The following FHIT variants were observed in gnomAD, a reference collection of about 807,000 sequenced individuals.
FHIT encodes the protein bis(5'-adenosyl)-triphosphatase.
Under a neutral mutation model 17.9 loss-of-function variants are expected in FHIT, and 19 were observed. That is an observed-to-expected ratio of 1.06 (90% CI 0.74 to 1.56). The LOEUF (loss-of-function observed/expected upper bound fraction) is 1.56, where lower values mean the gene tolerates loss of function less well. FHIT is among the 40% of genes most tolerant of loss of function. The pLI, the probability that FHIT is intolerant of heterozygous loss-of-function variation, is 0.00. For synonymous variants in FHIT, 81 were observed against 69.7 expected (o/e 1.16, Z -0.81); for missense variants, 248 against 189.2 (o/e 1.31, Z -1.82).
intron 4 of FHIT, among the ~76,000 whole-genome samples, chr3:60,696,855 G>A (rs1270861556): frequency 6.6e-6 from 1 of 152,184 alleles, no homozygotes; most frequent in Non-Finnish European, 1.5e-5. Context: ...GAAATCCAGT[G>A]AAAGTATCAC....
intron 2 of FHIT, among the ~76,000 whole-genome samples, chr3:61,064,676 T>G (rs2034540893): frequency 6.6e-6 from 1 of 152,134 alleles, no homozygotes; most frequent in African/African-American, 2.4e-5. Context: ...CTCTGCCACT[T>G]GAGAACGCCC....
At chr3:60,185,491 T>C (rs976787226) in intron 5 of FHIT, among the ~76,000 whole-genome samples, 1 of 152,244 alleles carries the variant, frequency 6.6e-6, no homozygotes, top group Non-Finnish European at 1.5e-5. Flanking sequence ...ATTCTACAGA[T>C]GTAACAGAGC....
chr3:59,842,054 CA>C, intron 8 of FHIT, among the ~76,000 whole-genome samples: 1 of 152,060 alleles, frequency 6.6e-6, no homozygotes, highest in Non-Finnish European at 1.5e-5. Context: ...CATTAAATAA[CA>C]ACTCCCCATT....
chr3:60,187,378 G>A (rs1362187265), intron 5 of FHIT, among the ~76,000 whole-genome samples: 1 of 152,154 alleles, frequency 6.6e-6, no homozygotes, highest in African/African-American at 2.4e-5. Flanking sequence ...GTCCTCTGAG[G>A]ACCGAAGTAT....
intron 5 of FHIT, among the ~76,000 whole-genome samples, chr3:60,070,222 C>T (rs932005362): frequency 2.0e-5 from 3 of 152,160 alleles, no homozygotes; most frequent in Non-Finnish European, 2.9e-5. Flanking sequence ...GTCATATTTA[C>T]AGAAGCTCTC....
chr3:60,272,570 G>T (rs1350711131), intron 5 of FHIT, among the ~76,000 whole-genome samples: 1 of 152,144 alleles, frequency 6.6e-6, no homozygotes, highest in African/African-American at 2.4e-5. Flanking sequence ...TACAGAAAGG[G>T]GGACAAACCG....
chr3:60,518,570 G>A (rs576071760), intron 5 of FHIT, among the ~76,000 whole-genome samples: 2 of 152,176 alleles, frequency 1.3e-5, no homozygotes, highest in Non-Finnish European at 2.9e-5. Context: ...ATAGCAAGTA[G>A]TGATTCCAGT....
chr3:61,245,125 A>T lies in FHIT; in HGVS notation c.-213+6176T>A, dbSNP rs184126837. Among the ~76,000 whole-genome samples the T allele has an allele frequency of 2.0e-4, 30 of 152,324 alleles. 1 individual carries two copies. The highest frequency in any genetic ancestry group is 1.7e-3 in the Admixed American group (26 of 15,298). On this transcript the variant is annotated intron_variant, in intron 1 of 9. Transcript: ENST00000492590. ...TCCTCTTAGTATTCAAAATATGATA[A>T]ACAAGGAAACAGAGCAGGATGCATC...
rs1575718938 is a variant in FHIT, at chr3:59,931,847, C to T, written c.280-9433G>A. On this transcript the variant is annotated intron_variant, in intron 7 of 9. Transcript: ENST00000492590. ...ATGGTGATCTCCTGATATATGGGTG[C>T]CATACATCATCTAAGCACCATGGCT... 2.0e-5 allele frequency among the ~76,000 whole-genome samples: 3 copies of T among 151,996 alleles called. No homozygotes were observed. In the South Asian group the frequency reaches 6.2e-4, roughly 32 times the overall value.
rs549420492 is a variant in FHIT at position 60,238,599 on chromosome 3, C to T, written c.104-224447G>A. Among the ~76,000 whole-genome samples, 181 of 152,214 alleles carry T rather than the reference C, an allele frequency of 1.2e-3. 1 individual carries two copies. The highest frequency in any genetic ancestry group is 4.2e-3 in the African/African-American group (174 of 41,558). On this transcript the variant is annotated intron_variant, in intron 5 of 9. Transcript: ENST00000492590. ...AGCTATCGCCTACATGAGAATGGTA[C>T]TTTAAAGATTACTGAATATGTTTTC...
At chr3:60,859,905 G>A (rs1553750921) in intron 3 of FHIT, among the ~76,000 whole-genome samples, 1 of 150,274 alleles carries the variant, frequency 6.7e-6, no homozygotes, top group African/African-American at 2.4e-5. Flanking sequence ...TTAGCCAGGT[G>A]TGGTGGCACG....
chr3:60,782,233 GTGTGTA>G (rs1230437939), intron 4 of FHIT, among the ~76,000 whole-genome samples: 2,761 of 133,200 alleles, frequency 0.021, 120 homozygotes, highest in African/African-American at 0.081. Flanking sequence ...GTGTGTGTGT[GTGTGTA>G]TATATATATA....
Position 59,877,462 on chromosome 3 carries a change from C to T in FHIT, c.348+44884G>A, listed in dbSNP as rs114172171. Among the ~76,000 whole-genome samples the T allele has an allele frequency of 2.9e-3, 444 of 152,276 alleles. 1 individual carries two copies. The highest frequency in any genetic ancestry group is 0.01 in the African/African-American group (422 of 41,568). On this transcript the variant is annotated intron_variant, in intron 8 of 9. Coordinates refer to ENST00000492590, the MANE Select transcript of FHIT (RefSeq NM_002012.4). ...TATGGCTGCAAGCAGCAAGAGATAA[C>T]AAGCAGGAAGGCCCAGAGCAGTGAT...
intron 8 of FHIT, among the ~76,000 whole-genome samples, chr3:59,797,378 G>A (rs1342552269): frequency 6.6e-6 from 1 of 151,958 alleles, no homozygotes; most frequent in Non-Finnish European, 1.5e-5. Flanking sequence ...GTAGAGATGG[G>A]GTTTTACTAT....
At chr3:59,877,067 A>C (rs1252333666) in intron 8 of FHIT, among the ~76,000 whole-genome samples, 2 of 152,206 alleles carry the variant, frequency 1.3e-5, no homozygotes, top group Non-Finnish European at 2.9e-5. Context: ...GTGACCATGA[A>C]GTGTGCTAAC....
intron 8 of FHIT, among the ~76,000 whole-genome samples, chr3:59,873,988 G>A (rs1039605580): frequency 5.3e-5 from 8 of 151,788 alleles, no homozygotes; most frequent in Non-Finnish European, 7.4e-5. Flanking sequence ...CTGGTGAACC[G>A]GTCTCCTCTT....
intron 2 of FHIT, among the ~76,000 whole-genome samples, chr3:61,094,507 C>A (rs138968672): frequency 6.6e-6 from 1 of 152,176 alleles, no homozygotes; most frequent in East Asian, 1.9e-4. Context: ...CCCTGGTTAT[C>A]CGCAGGACAG....
At chr3:60,222,913 T>A (rs1486341134) in intron 5 of FHIT, among the ~76,000 whole-genome samples, 1 of 152,080 alleles carries the variant, frequency 6.6e-6, no homozygotes, top group Non-Finnish European at 1.5e-5. Flanking sequence ...AAACAAAAAG[T>A]AATGGCAAAA....
intron 4 of FHIT, among the ~76,000 whole-genome samples, chr3:60,658,576 C>A (rs1433327384): frequency 6.6e-6 from 1 of 152,042 alleles, no homozygotes; most frequent in East Asian, 1.9e-4. Context: ...TTCTCTGTCC[C>A]CACTTCTTTA....
Sources: allele counts gnomAD v4.1 joint callset (sites outside exome capture counted in the v4.1 genomes callset), GRCh38; gene constraint gnomAD v4.1.1; transcripts MANE v1.5; gene names NCBI Gene and HGNC (gene_info 2026-07-23, HGNC 2026-07-21).